The following KCNN3 variants were observed in gnomAD, a reference collection of about 807,000 sequenced individuals.
KCNN3 encodes small conductance calcium-activated potassium channel protein 3.
KCNN3 carries 16 observed loss-of-function variants against 62.9 expected under a neutral mutation model. The observed-to-expected ratio is 0.25, with a 90% CI of 0.17 to 0.39. The LOEUF (loss-of-function observed/expected upper bound fraction) is 0.39. Ranked by LOEUF, KCNN3 falls within the 10% of genes least tolerant of loss-of-function variation. The pLI is 1.00. For synonymous variants in KCNN3, 370 were observed against 389.2 expected, an observed-to-expected ratio of 0.95 and a Z score of 0.58; for missense variants, 599 against 949.4, an observed-to-expected ratio of 0.63 and a Z score of 4.85.
chr1:154,861,172 C>T (rs867438143), intron 1 of KCNN3, among the ~76,000 whole-genome samples: 4 of 152,034 alleles, frequency 2.6e-5, no homozygotes, highest in South Asian at 2.1e-4. Flanking sequence ...CCAGGCTGGT[C>T]TCGAGCTCCT....
At chr1:154,734,689 T>C (rs1700672330) in intron 3 of KCNN3, among the ~76,000 whole-genome samples, 1 of 152,158 alleles carries the variant, frequency 6.6e-6, no homozygotes, top group African/African-American at 2.4e-5. Context: ...GGCCATCAAG[T>C]CAGGGAGCAG....
intron 3 of KCNN3, among the ~76,000 whole-genome samples, chr1:154,742,875 A>T (rs1700855117): frequency 6.6e-6 from 1 of 152,200 alleles, no homozygotes; most frequent in African/African-American, 2.4e-5. Flanking sequence ...GGGCAGCTGC[A>T]CGGATGTGGA....
chr1:154,864,996 G>T (rs971217764), intron 1 of KCNN3, among the ~76,000 whole-genome samples: 2 of 152,120 alleles, frequency 1.3e-5, no homozygotes, highest in Non-Finnish European at 2.9e-5. Flanking sequence ...GAGAAACAAG[G>T]CCCCTGGGTG....
chr1:154,735,874 C>G (rs1700702865), intron 3 of KCNN3, among the ~76,000 whole-genome samples: 1 of 152,182 alleles, frequency 6.6e-6, no homozygotes, highest in Non-Finnish European at 1.5e-5. Context: ...AGCAGCAAGA[C>G]TCAGTGACTG....
Position 154,772,369 on chromosome 1 carries a change from C to G in KCNN3, c.1054G>C (p.Asp352His). The G allele has an allele frequency of 1.2e-6, 2 of 1,614,168 alleles. No individual in the cohort carries two copies. Among genetic ancestry groups the G allele is most frequent in the Non-Finnish European group, 1.7e-6 (2 of 1,180,024 alleles). The change falls in exon 3 of 8, where the codon GAT becomes CAT. Residue 352 changes from aspartate to histidine, a missense_variant. Physicochemically the swap from Asp to His is moderately conservative, Grantham distance 81. Around this residue, in one of 7 missense-constraint regions of KCNN3, gnomAD observed 288 missense variants for 557.4 expected, o/e 0.52. Coordinates refer to ENST00000271915, the MANE Select transcript of KCNN3 (RefSeq NM_002249.6). The surrounding 1 kb of genome is among the most constrained non-coding windows in gnomAD (Gnocchi z 5.6). ...TAGGTCATGGCTATCCGCCAGTCATCCGCGCCATTGTCGATCACGAAGAGC... is the reference window on the plus strand; with the variant it reads ...TAGGTCATGGCTATCCGCCAGTCATGCGCGCCATTGTCGATCACGAAGAGC... ...VQLFVIDNGA[D>H]DWRIAMTYER... is the part of the protein sequence containing the mutation.
intron 2 of KCNN3, among the ~76,000 whole-genome samples, chr1:154,781,368 T>G (rs1649040447): frequency 6.6e-6 from 1 of 152,200 alleles, no homozygotes; most frequent in Non-Finnish European, 1.5e-5. Flanking sequence ...GATTCCTCAG[T>G]GTAATGTGAA....
intron 1 of KCNN3, among the ~76,000 whole-genome samples, chr1:154,837,388 C>T (rs544178606): frequency 6.6e-6 from 1 of 152,254 alleles, no homozygotes; most frequent in African/African-American, 2.4e-5. Flanking sequence ...CGTAATCCAC[C>T]CGCCTCGGCC....
chr1:154,772,494 C>A lies in KCNN3; in HGVS notation c.1030-101G>T. On this transcript the variant is annotated intron_variant, in intron 2 of 7. Transcript: ENST00000271915. The surrounding 1 kb of genome is among the most constrained non-coding windows in gnomAD (Gnocchi z 5.6). Reference sequence around the variant, plus strand: ...GCAGGCTGGGGCAGGCTGCTGGGCTCAGGTCAGCCTGACCACCTCAGCATG... The same window carrying A: ...GCAGGCTGGGGCAGGCTGCTGGGCTAAGGTCAGCCTGACCACCTCAGCATG... 8.4e-7 allele frequency: 1 copy of A among 1,185,510 alleles called. No homozygotes were observed. The highest frequency in any genetic ancestry group is 1.2e-6 in the Non-Finnish European group (1 of 809,620). The allele number at this position is 1,185,510 out of a possible 1,614,324, so 73.4% of individuals were successfully genotyped here.
chr1:154,869,665 C>T lies in KCNN3; in HGVS notation c.300G>A (p.Leu100=), dbSNP rs1324086038. The change falls in exon 1 of 8, where the codon CTG becomes CTA. Residue 100 remains leucine, a synonymous_variant. Transcript: ENST00000271915. This position sits in a 1 kb window ranked among gnomAD's most constrained non-coding sequence, Gnocchi z 6.1. Reference sequence around the variant, plus strand: ...TGAAAGCGGTGGGAGAGGAGTGCAGCAGGCCAGGGTGGACGGGCTGGCTCT... The same window carrying T: ...TGAAAGCGGTGGGAGAGGAGTGCAGTAGGCCAGGGTGGACGGGCTGGCTCT... ...QLQSQPVHPG[L]LHSSPTAFRA... The T allele has an allele frequency of 1.2e-6, 2 of 1,606,910 alleles. No homozygotes were observed. The highest frequency in any genetic ancestry group is 8.5e-7 in the Non-Finnish European group (1 of 1,176,572).
At chr1:154,730,776 C>A (rs993307237) in intron 4 of KCNN3, among the ~76,000 whole-genome samples, 5 of 152,138 alleles carry the variant, frequency 3.3e-5, no homozygotes, top group African/African-American at 4.8e-5. Context: ...GAATTGGCTC[C>A]TCATCGTCCG....
At chr1:154,817,303 G>A (rs925063338) in intron 2 of KCNN3, among the ~76,000 whole-genome samples, 2 of 152,210 alleles carry the variant, frequency 1.3e-5, no homozygotes, top group Non-Finnish European at 2.9e-5. Flanking sequence ...CCTGCACCAC[G>A]ACCCCCTAGT....
intron 5 of KCNN3, among the ~76,000 whole-genome samples, chr1:154,720,785 G>A (rs1395136410): frequency 6.6e-6 from 1 of 152,258 alleles, no homozygotes; most frequent in Non-Finnish European, 1.5e-5. Context: ...GGACGCCGAA[G>A]TGAGGAGAGC....
rs746384651 is a variant in KCNN3 at position 154,870,006 on chromosome 1, C to A, written c.-42G>T. ...ATTCCCTGCAGCACAAGCCCCCACCCCAAAGCCACCCTCGCTCCAAAGATG... is the reference window on the plus strand; with the variant it reads ...ATTCCCTGCAGCACAAGCCCCCACCACAAAGCCACCCTCGCTCCAAAGATG... On this transcript the variant is annotated 5_prime_UTR_variant, in exon 1 of 8. Transcript: ENST00000271915. 3.8e-5 allele frequency: 61 copies of A among 1,592,610 alleles called. No individual in the cohort carries two copies. In the African/African-American group the frequency reaches 5.8e-4, roughly 15 times the overall value.
At chr1:154,791,331 C>G (rs1459811028) in intron 2 of KCNN3, among the ~76,000 whole-genome samples, 1 of 147,552 alleles carries the variant, frequency 6.8e-6, no homozygotes, top group Non-Finnish European at 1.5e-5. Flanking sequence ...ACTGAGAGCT[C>G]TTGCAGAGCA....
At chr1:154,847,697 T>C (rs1652133989) in intron 1 of KCNN3, among the ~76,000 whole-genome samples, 1 of 152,198 alleles carries the variant, frequency 6.6e-6, no homozygotes, top group Non-Finnish European at 1.5e-5. Flanking sequence ...TTCAACTCCT[T>C]TAAAGGCAAG....
chr1:154,836,836 G>A (rs927790671), intron 1 of KCNN3, among the ~76,000 whole-genome samples: 1 of 152,170 alleles, frequency 6.6e-6, no homozygotes, highest in African/African-American at 2.4e-5. Context: ...TGGCACAGTC[G>A]GGGTCCTTTC....
At chr1:154,778,115 C>T (rs4845670) in intron 2 of KCNN3, among the ~76,000 whole-genome samples, 7 of 152,184 alleles carry the variant, frequency 4.6e-5, no homozygotes, top group Non-Finnish European at 1.0e-4. Context: ...AGAGGTGGCT[C>T]TAGGCCTAAT....
chr1:154,726,087 G>C, intron 4 of KCNN3, 61 bp from the exon 5 acceptor site: 1 of 1,298,366 alleles, frequency 7.7e-7, no homozygotes, highest in South Asian at 1.2e-5. Context: ...GGCAAGATGA[G>C]AGACTCAACA....
chr1:154,743,459 C>G (rs765276589), intron 3 of KCNN3, among the ~76,000 whole-genome samples: 1 of 152,220 alleles, frequency 6.6e-6, no homozygotes, highest in Non-Finnish European at 1.5e-5. Context: ...CACCTTCGCC[C>G]ATTGGCCCTG....
Sources: allele counts gnomAD v4.1 joint callset (sites outside exome capture counted in the v4.1 genomes callset), GRCh38; gene constraint gnomAD v4.1.1; regional missense constraint gnomAD v4.1.1; non-coding constraint Gnocchi (gnomAD v3.1); transcripts MANE v1.5; gene names NCBI Gene and HGNC (gene_info 2026-07-23, HGNC 2026-07-21).